Variants in ABCA5 observed in about 807,000 individuals in gnomAD.
The protein encoded by ABCA5 is ATP binding cassette subfamily A member 5, also known as cholesterol transporter ABCA5.
A neutral mutation model predicts 206.0 loss-of-function variants in ABCA5; 163 were observed. The ratio of observed to expected loss-of-function variants is 0.79; its 90% CI spans 0.70 to 0.90. The LOEUF (loss-of-function observed/expected upper bound fraction) is 0.90, where lower values mean the gene tolerates loss of function less well. Ranked by LOEUF, ABCA5 falls within the 40% of genes least tolerant of loss-of-function variation. The pLI is 0.00. For synonymous variants in ABCA5, 609 were observed against 613.8 expected, an observed-to-expected ratio of 0.99 and a Z score of 0.11; for missense variants, 1,859 against 1,912.9, an observed-to-expected ratio of 0.97 and a Z score of 0.53.
chr17:69,294,589 C>A, intron 11 of ABCA5, 66 bp downstream of exon 11: 4 of 1,294,364 alleles, frequency 3.1e-6, no homozygotes, highest in Non-Finnish European at 4.4e-6. Context: ...TTCCCACAAG[C>A]TATGCAAATT....
Position 69,244,865 on chromosome 17 carries a change from T to C in ABCA5, c.*2672A>G, listed in dbSNP as rs1021293201. On this transcript the variant is annotated 3_prime_UTR_variant, in exon 39 of 39. Coordinates refer to ENST00000392676, the MANE Select transcript of ABCA5 (RefSeq NM_172232.4). ...ACTACTAGCAAAGGATTTGTCATATTATAGTTAGTTATATAAAATAATAGC... is the reference window on the plus strand; with the variant it reads ...ACTACTAGCAAAGGATTTGTCATATCATAGTTAGTTATATAAAATAATAGC... The C allele has an allele frequency of 2.7e-5, 4 of 150,110 alleles. No individual in the cohort carries two copies. The highest frequency in any genetic ancestry group is 7.3e-5 in the African/African-American group (3 of 41,138). The allele number at this position is 150,110 out of a possible 1,614,324, so 9.3% of individuals were successfully genotyped here. A position where few individuals can be genotyped will look rare whatever the true frequency, so the allele number is the denominator to read the frequency against.
At chr17:69,271,050 A>G (rs956395967) in intron 21 of ABCA5, 112 bp downstream of exon 21, 25 of 1,305,832 alleles carry the variant, frequency 1.9e-5, no homozygotes, top group Non-Finnish European at 2.4e-5. Context: ...TTCCAAAAGT[A>G]AAATCTAATT....
chr17:69,288,665 A>G (rs1311610729), intron 14 of ABCA5, among the ~76,000 whole-genome samples: 4 of 151,728 alleles, frequency 2.6e-5, no homozygotes, highest in Non-Finnish European at 4.4e-5. Context: ...GGCCAGTTCA[A>G]GACCAGCCTG....
chr17:69,301,279 T>C lies in ABCA5; in HGVS notation c.1127A>G (p.His376Arg), dbSNP rs568293835. Reference sequence around the variant, plus strand: ...AGCACCTTCATTAAAATCTTCTAAATGCATGACCTGAAAAATACAAACACT... The same window carrying C: ...AGCACCTTCATTAAAATCTTCTAAACGCATGACCTGAAAAATACAAACACT... Reference protein sequence around the residue: ...TFVIGIAQVMHLEDFNEGASF... With the variant: ...TFVIGIAQVMRLEDFNEGASF... The change falls in exon 9 of 39, where the codon CAT becomes CGT. Residue 376 changes from histidine (H) to arginine (R), a missense_variant. His to Arg is a conservative substitution (Grantham distance 29). Coordinates refer to ENST00000392676, the MANE Select transcript of ABCA5 (RefSeq NM_172232.4). The C allele has an allele frequency of 1.7e-5, 27 of 1,586,492 alleles. No homozygotes were observed. The highest frequency in any genetic ancestry group is 4.7e-5 in the South Asian group (4 of 85,398).
At position 69,326,731 on chromosome 17, in the gene ABCA5, G is replaced by C. The variant is rs895860260; in HGVS notation, c.-16+321C>G. 2.0e-5 allele frequency among the ~76,000 whole-genome samples: 3 copies of C among 152,208 alleles called. No homozygotes were observed. The highest frequency in any genetic ancestry group is 7.2e-5 in the African/African-American group (3 of 41,454). On this transcript the variant is annotated intron_variant, in intron 1 of 38. Coordinates refer to ENST00000392676, the MANE Select transcript of ABCA5 (RefSeq NM_172232.4). This position sits in a 1 kb window ranked among gnomAD's most constrained non-coding sequence, Gnocchi z 4.8. ...CAAAGGCAGTGTCCCGAAGTCCCACGGCCGGACCCGGTCCCAGGGGAGCCT... is the reference window on the plus strand; with the variant it reads ...CAAAGGCAGTGTCCCGAAGTCCCACCGCCGGACCCGGTCCCAGGGGAGCCT...
intron 17 of ABCA5, among the ~76,000 whole-genome samples, chr17:69,285,607 C>CT (rs1292394165): frequency 2.6e-5 from 4 of 151,242 alleles, no homozygotes; most frequent in African/African-American, 9.8e-5. Flanking sequence ...CAAGCAATTT[C>CT]TTTTTTTTCT....
intron 7 of ABCA5, among the ~76,000 whole-genome samples, chr17:69,303,262 C>T (rs925740760): frequency 6.6e-6 from 1 of 152,010 alleles, no homozygotes; most frequent in African/African-American, 2.4e-5. Context: ...GGATTACAGG[C>T]GTGGGGCACC....
Position 69,287,745 on chromosome 17 carries a change from G to A in ABCA5, c.1909C>T (p.Leu637=), listed in dbSNP as rs780840292. The A allele has an allele frequency of 6.2e-7, 1 of 1,612,842 alleles. No individual in the cohort carries two copies. Among genetic ancestry groups the A allele is most frequent in the African/African-American group, 1.3e-5 (1 of 74,842 alleles). The change falls in exon 15 of 39, where the codon CTG becomes TTG. Residue 637 remains leucine, a synonymous_variant. Transcript: ENST00000392676. ...ATTCCAGCTGTTGGTTCATCTAGCA[G>A]CAGTATCTGTGTGAAAAGAGGTGAA... ...IAVLGNPKIL[L]LDEPTAGMDP...
In ABCA5 at chr17:69,268,048, A is replaced by C; in HGVS notation, c.3039T>G (p.Thr1013=). The C allele has an allele frequency of 6.5e-7, 1 of 1,547,570 alleles. No homozygotes were observed. Among genetic ancestry groups the C allele is most frequent in the Non-Finnish European group, 8.9e-7 (1 of 1,121,252 alleles). Residue 1013 remains threonine, a synonymous_variant, in exon 23 of 39, where the codon ACT becomes ACG. Transcript: ENST00000392676. ...ACAGCTCAATTTTAAAAACTATATC[A>C]GTAATTTCCTGAAAGACAACCACAG... ...IWSTPFFQEI[T]DIVFKIELYF...
At position 69,255,843 on chromosome 17, in the gene ABCA5, G is replaced by T; in HGVS notation, c.3866C>A (p.Ser1289Tyr). The T allele has an allele frequency of 6.4e-7, 1 of 1,554,882 alleles. No individual in the cohort carries two copies. Among genetic ancestry groups the T allele is most frequent in the Non-Finnish European group, 8.7e-7 (1 of 1,151,436 alleles). The change falls in exon 30 of 39, where the codon TCC (serine) becomes TAC (tyrosine). Residue 1289 changes from serine (S) to tyrosine (Y), a missense_variant. Coordinates refer to ENST00000392676, the MANE Select transcript of ABCA5 (RefSeq NM_172232.4). ...MGCQCCEEKP[S>Y]IMVSNLHKEY... ...TTTATGCAAATTGCTGACCATAATG[G>T]ATGGTTTCTAATAAGAAAAATTGTA...
At chr17:69,295,638 T>C (rs369092842) in intron 10 of ABCA5, among the ~76,000 whole-genome samples, 14 of 152,342 alleles carry the variant, frequency 9.2e-5, no homozygotes, top group African/African-American at 2.6e-4. Flanking sequence ...CAACTGGGCA[T>C]TGGCATAATG....
At chr17:69,317,399 CAAAAAA>C (rs1168274624) in intron 1 of ABCA5, among the ~76,000 whole-genome samples, 4 of 74,582 alleles carry the variant, frequency 5.4e-5, no homozygotes, top group Admixed American at 5.2e-4. Flanking sequence ...GACTCTGTCT[CAAAAAA>C]AAAAAAAAAA....
chr17:69,254,642 T>C (rs2075054343), intron 31 of ABCA5, 152 bp from the exon 32 acceptor site: 1 of 524,228 alleles, frequency 1.9e-6, no homozygotes, highest in Non-Finnish European at 3.2e-6. Flanking sequence ...TATCACTAAG[T>C]AACTGAGACT....
chr17:69,318,240 G>T (rs533652182), intron 1 of ABCA5, among the ~76,000 whole-genome samples: 2 of 151,758 alleles, frequency 1.3e-5, no homozygotes, highest in South Asian at 4.2e-4. Context: ...GATTACAGGC[G>T]CCTGCCACCA....
At chr17:69,322,653 A>G (rs1186811659) in intron 1 of ABCA5, among the ~76,000 whole-genome samples, 1 of 151,300 alleles carries the variant, frequency 6.6e-6, no homozygotes, top group Non-Finnish European at 1.5e-5. Flanking sequence ...AAAATCCATC[A>G]CTTATCTAAT....
chr17:69,281,971 A>ACCTG lies in ABCA5; in HGVS notation c.2392+1978_2392+1981dup, dbSNP rs974830131. Among the ~76,000 whole-genome samples, 90 of 151,570 alleles carry ACCTG rather than the reference A, an allele frequency of 5.9e-4. 1 individual carries two copies. Among genetic ancestry groups the ACCTG allele is most frequent in the African/African-American group, 2.0e-3 (81 of 41,474 alleles). On this transcript the variant is annotated intron_variant, in intron 18 of 38. Coordinates refer to ENST00000392676, the MANE Select transcript of ABCA5 (RefSeq NM_172232.4). Reference sequence around the variant, plus strand: ...CATCCTGGTTTCCTTTGCTCTCCTCACCTGCCACTACAAACATTTTGCTAA... The same window carrying ACCTG: ...CATCCTGGTTTCCTTTGCTCTCCTCACCTGCCTGCCACTACAAACATTTTGCTAA...
chr17:69,271,104 A>C (rs1379586932), intron 21 of ABCA5, 58 bp downstream of exon 21: 1 of 1,547,206 alleles, frequency 6.5e-7, no homozygotes, highest in Non-Finnish European at 8.7e-7. Flanking sequence ...ATTTTAGAAG[A>C]AACGTTTTAA....
At chr17:69,251,481 T>C (rs1663633737) in intron 35 of ABCA5, 1 of 381,550 alleles carries the variant, frequency 2.6e-6, no homozygotes, top group African/African-American at 2.1e-5. Context: ...ATTAATCCAA[T>C]ATATAACAAT....
chr17:69,251,556 T>C, intron 35 of ABCA5, 191 bp downstream of exon 35: 1 of 657,404 alleles, frequency 1.5e-6, no homozygotes, highest in Non-Finnish European at 2.3e-6. Context: ...TTAAGTGAAT[T>C]CAAATTCAAA....
Sources: gnomAD v4.1 joint callset for allele counts (sites outside exome capture counted in the v4.1 genomes callset) on GRCh38, gnomAD v4.1.1 for gene constraint, Gnocchi (gnomAD v3.1) non-coding constraint, MANE v1.5 for transcripts, NCBI Gene and HGNC (gene_info 2026-07-23, HGNC 2026-07-21) for gene names.